Variants in RUNX1 observed in about 807,000 individuals in gnomAD.
RUNX1 encodes the protein runt-related transcription factor 1.
Under a neutral mutation model 42.8 loss-of-function variants are expected in RUNX1, and 19 were observed. The ratio of observed to expected loss-of-function variants is 0.44; its 90% CI spans 0.31 to 0.65. The LOEUF is 0.65. RUNX1 is among the 30% of genes least tolerant of loss of function. The pLI, the probability that RUNX1 is intolerant of heterozygous loss-of-function variation, is 0.07. For missense variants in RUNX1, 528 were observed against 672.0 expected (o/e 0.79, Z 2.37); for synonymous variants, 271 against 289.4 (o/e 0.94, Z 0.64).
intron 2 of RUNX1, among the ~76,000 whole-genome samples, chr21:34,915,703 C>T (rs1450293778): frequency 6.6e-6 from 1 of 152,172 alleles, no homozygotes; most frequent in African/African-American, 2.4e-5. Context: ...GGAATAAGTG[C>T]AAGAGATCAA....
chr21:34,838,301 A>C (rs747309951), intron 6 of RUNX1, among the ~76,000 whole-genome samples: 1 of 152,196 alleles, frequency 6.6e-6, no homozygotes, highest in Non-Finnish European at 1.5e-5. Flanking sequence ...TTCTTGGAAA[A>C]TTTTGGTTAG....
At chr21:34,888,302 G>C in intron 3 of RUNX1, 4 of 1,067,528 alleles carry the variant, frequency 3.7e-6, no homozygotes, top group Non-Finnish European at 3.4e-6. Context: ...GAAACAGATC[G>C]GGCGGCTCGG....
At chr21:34,964,930 G>A (rs751639018) in intron 2 of RUNX1, among the ~76,000 whole-genome samples, 1 of 151,980 alleles carries the variant, frequency 6.6e-6, no homozygotes, top group Non-Finnish European at 1.5e-5. Flanking sequence ...ACTTATGCTT[G>A]CACCTATGTG....
intron 5 of RUNX1, among the ~76,000 whole-genome samples, chr21:34,878,344 T>TA (rs58465528): frequency 2.5e-3 from 309 of 122,846 alleles, no homozygotes; most frequent in African/African-American, 3.1e-3. Context: ...TAGCGCTGAC[T>TA]AAAAAAAAAA....
intron 7 of RUNX1, among the ~76,000 whole-genome samples, chr21:34,822,011 C>T (rs1334158280): frequency 6.6e-6 from 1 of 152,230 alleles, no homozygotes; most frequent in Non-Finnish European, 1.5e-5. Context: ...TCTCACACAG[C>T]AGAACTATAA....
chr21:34,892,507 G>A (rs2058091337), intron 3 of RUNX1, among the ~76,000 whole-genome samples: 1 of 152,104 alleles, frequency 6.6e-6, no homozygotes, highest in Non-Finnish European at 1.5e-5. Flanking sequence ...AGCAAGCTGA[G>A]GACATTTTAA....
rs1010328282 is a variant in RUNX1 at position 34,903,306 on chromosome 21, A to G, written c.59-10343T>C. ...TTCACTATGTATATTACAAAATAAT[A>G]GTTTAAAAATAATATGGATGTACAA... On this transcript the variant is annotated intron_variant, in intron 2 of 8. Transcript: ENST00000675419. Among the ~76,000 whole-genome samples the G allele has an allele frequency of 3.3e-5, 5 of 152,350 alleles. No homozygotes were observed. The South Asian group carries it at 8.3e-4, about 25-fold the overall frequency.
intron 2 of RUNX1, among the ~76,000 whole-genome samples, chr21:35,010,625 G>GCACACA (rs113068635): frequency 3.5e-5 from 5 of 143,624 alleles, no homozygotes; most frequent in South Asian, 2.2e-4. Context: ...ACACACACAC[G>GCACACA]CACACACACA....
At chr21:34,920,609 A>G (rs924963883) in intron 2 of RUNX1, among the ~76,000 whole-genome samples, 4 of 152,146 alleles carry the variant, frequency 2.6e-5, no homozygotes, top group African/African-American at 9.7e-5. Context: ...TTGTTAAGGA[A>G]CTTTTCAGTT....
intron 2 of RUNX1, among the ~76,000 whole-genome samples, chr21:34,914,829 T>C (rs185069834): frequency 1.3e-4 from 20 of 152,330 alleles, no homozygotes; most frequent in African/African-American, 4.8e-4. Flanking sequence ...TGTGTCCCAC[T>C]TCTTTTTGCC....
At chr21:34,794,495 T>G (rs1325583849) in intron 8 of RUNX1, among the ~76,000 whole-genome samples, 1 of 152,262 alleles carries the variant, frequency 6.6e-6, no homozygotes, top group African/African-American at 2.4e-5. Context: ...CCTTGATTTA[T>G]CTACTCTGTT....
intron 2 of RUNX1, among the ~76,000 whole-genome samples, chr21:34,921,312 C>T (rs35497104): frequency 0.34 from 51,220 of 152,128 alleles, 10,711 homozygotes; most frequent in East Asian, 0.56. Context: ...CCCTCCCCCA[C>T]AGCCTCTGGT....
At position 34,833,713 on chromosome 21, in the gene RUNX1, C is replaced by T. The variant is rs78619125; in HGVS notation, c.805+697G>A. The T allele has an allele frequency of 1.6e-3, 257 of 161,920 alleles. 1 individual carries two copies. The highest frequency in any genetic ancestry group is 2.4e-3 in the Non-Finnish European group (174 of 72,690). 10.0% of individuals were successfully genotyped at this position (161,920 alleles called of 1,614,324 possible). ...AAGTCTGCATTTTGGATTTTTGAAA[C>T]GGTATCACAGAGCAAACAGTCATTG... On this transcript the variant is annotated intron_variant, in intron 7 of 8. Transcript: ENST00000675419.
At chr21:34,874,838 T>G (rs2057791538) in intron 5 of RUNX1, among the ~76,000 whole-genome samples, 1 of 152,130 alleles carries the variant, frequency 6.6e-6, no homozygotes, top group African/African-American at 2.4e-5. Context: ...GATCACTGTT[T>G]ATGTCTATAA....
At chr21:34,973,930 G>A (rs368938093) in intron 2 of RUNX1, among the ~76,000 whole-genome samples, 1 of 152,104 alleles carries the variant, frequency 6.6e-6, no homozygotes, top group Non-Finnish European at 1.5e-5. Context: ...ACTTCCACAA[G>A]TGCACTCTTC....
At chr21:34,976,740 G>A (rs2058804781) in intron 2 of RUNX1, among the ~76,000 whole-genome samples, 1 of 152,220 alleles carries the variant, frequency 6.6e-6, no homozygotes, top group South Asian at 2.1e-4. Flanking sequence ...AATATTGCTA[G>A]AGCACCATGA....
intron 7 of RUNX1, among the ~76,000 whole-genome samples, chr21:34,802,674 T>G (rs1190647633): frequency 1.3e-5 from 2 of 152,168 alleles, no homozygotes; most frequent in African/African-American, 4.8e-5. Flanking sequence ...TAATTTGGAC[T>G]TGCAAACAGC....
chr21:35,034,182 C>T (rs1314059193), intron 2 of RUNX1, among the ~76,000 whole-genome samples: 1 of 152,200 alleles, frequency 6.6e-6, no homozygotes, highest in Non-Finnish European at 1.5e-5. Context: ...CACTCTATAG[C>T]CCAGTCATCA....
chr21:34,930,296 A>G (rs532857772), intron 2 of RUNX1, among the ~76,000 whole-genome samples: 2 of 140,684 alleles, frequency 1.4e-5, no homozygotes, highest in African/African-American at 5.7e-5. Flanking sequence ...ATATATAAAT[A>G]AATAAATAAA....
Sources: gnomAD v4.1 joint callset for allele counts (sites outside exome capture counted in the v4.1 genomes callset) on GRCh38, gnomAD v4.1.1 for gene constraint, MANE v1.5 for transcripts, NCBI Gene and HGNC (gene_info 2026-07-23, HGNC 2026-07-21) for gene names.